The following PCDH9 variants were observed in gnomAD, a reference collection of about 807,000 sequenced individuals.
The protein encoded by PCDH9 is protocadherin-9.
In PCDH9, 24 loss-of-function variants were observed where a neutral mutation model predicts 70.6. That is an observed-to-expected ratio of 0.34 (90% CI 0.25 to 0.48). The LOEUF (loss-of-function observed/expected upper bound fraction) is 0.48, where lower values mean the gene tolerates loss of function less well. Among genes scored for constraint, PCDH9 ranks in the 20% least tolerant of loss-of-function variants. PCDH9 has a pLI of 0.99. For missense variants in PCDH9, 1,281 were observed against 1,503.6 expected, an observed-to-expected ratio of 0.85 and a Z score of 2.45; for synonymous variants, 562 against 558.5, an observed-to-expected ratio of 1.01 and a Z score of -0.09.
At chr13:66,965,598 T>C (rs1048512227) in intron 2 of PCDH9, among the ~76,000 whole-genome samples, 2 of 151,868 alleles carry the variant, frequency 1.3e-5, no homozygotes, top group South Asian at 4.2e-4. Context: ...TATTAAATTG[T>C]TTTTTTTCCC....
chr13:67,005,730 C>T lies in PCDH9; in HGVS notation c.3037-102125G>A, dbSNP rs2084337509. ...TTCCAAAGTAAAGAAATGCATTTAGCTAGGTAACAGATGATGATTGCATTT... is the reference window on the plus strand; with the variant it reads ...TTCCAAAGTAAAGAAATGCATTTAGTTAGGTAACAGATGATGATTGCATTT... On this transcript the variant is annotated intron_variant, in intron 2 of 4. Transcript: ENST00000377865. Among the ~76,000 whole-genome samples, 3 of 152,190 alleles carry T rather than the reference C, an allele frequency of 2.0e-5. No individual in the cohort carries two copies. The South Asian group carries it at 6.2e-4, about 32-fold the overall frequency.
In PCDH9 at chr13:66,681,198, A is replaced by G. The variant is rs183594721; in HGVS notation, c.3139-49787T>C. Among the ~76,000 whole-genome samples, 3 of 152,240 alleles carry G rather than the reference A, an allele frequency of 2.0e-5. No individual in the cohort carries two copies. In the East Asian group the frequency reaches 5.8e-4, roughly 29 times the overall value. ...ATACTATTTGTGTATTTGATGAAAT[A>G]AACCATTGCATTATTTCTTTCCTTT... is the stretch of plus-strand genomic sequence containing the variant. On this transcript the variant is annotated intron_variant, in intron 3 of 4. Transcript: ENST00000377865.
At chr13:66,447,113 A>G (rs999358884) in intron 4 of PCDH9, among the ~76,000 whole-genome samples, 1 of 152,076 alleles carries the variant, frequency 6.6e-6, no homozygotes, top group Non-Finnish European at 1.5e-5. Flanking sequence ...TAAAAAATGC[A>G]TACTTCTCTA....
At chr13:66,328,140 A>T (rs1198712653) in intron 4 of PCDH9, among the ~76,000 whole-genome samples, 2 of 152,210 alleles carry the variant, frequency 1.3e-5, no homozygotes, top group Non-Finnish European at 2.9e-5. Flanking sequence ...ATCTTCAAAG[A>T]TTTACTCTCA....
chr13:67,080,507 A>G lies in PCDH9; in HGVS notation c.3036+144898T>C, dbSNP rs184705148. On this transcript the variant is annotated intron_variant, in intron 2 of 4. Coordinates refer to ENST00000377865, the MANE Select transcript of PCDH9 (RefSeq NM_203487.3). ...TACAATAGCAACATTTTGGCCTGAC[A>G]ACCAATGTCCAAAGGACACTCTTTA... Among the ~76,000 whole-genome samples the G allele has an allele frequency of 2.3e-3, 353 of 152,330 alleles. 2 individuals carry two copies. Among genetic ancestry groups the G allele is most frequent in the Non-Finnish European group, 3.6e-3 (245 of 68,030 alleles).
At chr13:66,769,443 C>A (rs915302051) in intron 3 of PCDH9, among the ~76,000 whole-genome samples, 3 of 150,630 alleles carry the variant, frequency 2.0e-5, no homozygotes, top group East Asian at 3.9e-4. Flanking sequence ...TTTGGGAAAG[C>A]GATATCCTGA....
intron 4 of PCDH9, among the ~76,000 whole-genome samples, chr13:66,580,551 A>C (rs1412684877): frequency 1.3e-5 from 2 of 151,854 alleles, no homozygotes; most frequent in Non-Finnish European, 2.9e-5. Flanking sequence ...TGGTATGGAC[A>C]TCTTTCTGGG....
chr13:66,794,865 T>C (rs1470052132), intron 3 of PCDH9, among the ~76,000 whole-genome samples: 1 of 152,066 alleles, frequency 6.6e-6, no homozygotes, highest in Non-Finnish European at 1.5e-5. Flanking sequence ...ACTACATCTA[T>C]AGTATCTTTA....
At chr13:66,427,526 C>T (rs1957692003) in intron 4 of PCDH9, among the ~76,000 whole-genome samples, 1 of 151,740 alleles carries the variant, frequency 6.6e-6, no homozygotes, top group Admixed American at 6.6e-5. Flanking sequence ...GCTCTTGTCA[C>T]AGTCATAAAT....
chr13:66,899,305 A>C (rs1178019871), intron 3 of PCDH9, among the ~76,000 whole-genome samples: 1 of 151,974 alleles, frequency 6.6e-6, no homozygotes, highest in Non-Finnish European at 1.5e-5. Flanking sequence ...GCATCCATGA[A>C]TTTCATACTC....
chr13:66,988,900 T>G (rs111941593), intron 2 of PCDH9, among the ~76,000 whole-genome samples: 2 of 151,950 alleles, frequency 1.3e-5, no homozygotes, highest in African/African-American at 4.8e-5. Context: ...GGAAAGCCAA[T>G]GAAGACAACC....
Position 66,350,594 on chromosome 13 carries a change from G to A in PCDH9, c.3341-45566C>T, listed in dbSNP as rs902453148. 1.6e-4 allele frequency among the ~76,000 whole-genome samples: 25 copies of A among 151,994 alleles called. 3 individuals carry two copies. Among genetic ancestry groups the A allele is most frequent in the Admixed American group, 1.4e-3 (21 of 15,240 alleles). On this transcript the variant is annotated intron_variant, in intron 4 of 4. Transcript: ENST00000377865. Reference sequence around the variant, plus strand: ...GGTCAATGAAAAAGCAATTCTTCTGGTGTTTCAGGACAAAAAAACATGTAA... The same window carrying A: ...GGTCAATGAAAAAGCAATTCTTCTGATGTTTCAGGACAAAAAAACATGTAA...
At chr13:66,543,768 G>T (rs1444315680) in intron 4 of PCDH9, among the ~76,000 whole-genome samples, 1 of 152,076 alleles carries the variant, frequency 6.6e-6, no homozygotes, top group Non-Finnish European at 1.5e-5. Context: ...ATCAGAAAAA[G>T]AAAATATAGA....
At chr13:66,751,222 T>G (rs985580446) in intron 3 of PCDH9, among the ~76,000 whole-genome samples, 4 of 152,150 alleles carry the variant, frequency 2.6e-5, no homozygotes, top group African/African-American at 4.8e-5. Flanking sequence ...AATTTTTTTT[T>G]TCATTTTATA....
At chr13:66,894,620 A>G (rs1202485500) in intron 3 of PCDH9, among the ~76,000 whole-genome samples, 1 of 152,146 alleles carries the variant, frequency 6.6e-6, no homozygotes, top group Non-Finnish European at 1.5e-5. Flanking sequence ...ACCAAACAAT[A>G]TCTCACAGCC....
At chr13:66,724,080 G>T (rs966235600) in intron 3 of PCDH9, among the ~76,000 whole-genome samples, 1 of 152,212 alleles carries the variant, frequency 6.6e-6, no homozygotes, top group Admixed American at 6.5e-5. Flanking sequence ...CAATTATCAA[G>T]TTGAGTGCGA....
At chr13:67,225,328 G>T in intron 2 of PCDH9, 77 bp downstream of exon 2, 2 of 1,462,110 alleles carry the variant, frequency 1.4e-6, no homozygotes, top group African/African-American at 1.4e-5. Context: ...CAAAACAATA[G>T]ACATACTGGC....
chr13:66,795,484 T>C lies in PCDH9; in HGVS notation c.3138+108020A>G, dbSNP rs756843851. Reference sequence around the variant, plus strand: ...TAATTAATTAATTCCAGCCGATATATGACTGGGGGAAAATATCACAGTGCA... The same window carrying C: ...TAATTAATTAATTCCAGCCGATATACGACTGGGGGAAAATATCACAGTGCA... On this transcript the variant is annotated intron_variant, in intron 3 of 4. Transcript: ENST00000377865. Among the ~76,000 whole-genome samples the C allele has an allele frequency of 2.1e-4, 32 of 152,324 alleles. 1 individual carries two copies. Among genetic ancestry groups the C allele is most frequent in the Non-Finnish European group, 2.6e-4 (18 of 68,034 alleles).
At chr13:66,912,285 C>T (rs1004913342) in intron 2 of PCDH9, among the ~76,000 whole-genome samples, 3 of 152,082 alleles carry the variant, frequency 2.0e-5, no homozygotes, top group Non-Finnish European at 2.9e-5. Context: ...TCAGAATACA[C>T]AAGTCAAGCC....
Sources: allele counts gnomAD v4.1 joint callset (sites outside exome capture counted in the v4.1 genomes callset), GRCh38; gene constraint gnomAD v4.1.1; transcripts MANE v1.5; gene names NCBI Gene and HGNC (gene_info 2026-07-23, HGNC 2026-07-21).